Variants in CYP27A1 observed in about 807,000 individuals in gnomAD.
CYP27A1 encodes the protein cytochrome P450 family 27 subfamily A member 1.
In CYP27A1, 46 loss-of-function variants were observed where a neutral mutation model predicts 58.2. That is an observed-to-expected ratio of 0.79 (90% CI 0.62 to 1.01). The LOEUF (loss-of-function observed/expected upper bound fraction) is 1.01, where lower values mean the gene tolerates loss of function less well. Among genes scored for constraint, CYP27A1 ranks in the 50% least tolerant of loss-of-function variants. The pLI is 0.00. For synonymous variants in CYP27A1, 274 were observed against 285.1 expected (o/e 0.96, Z 0.39); for missense variants, 704 against 687.0 (o/e 1.02, Z -0.28).
At chr2:218,805,991 T>C (rs1410709884) in intron 1 of CYP27A1, 2 of 152,228 alleles carry the variant, frequency 1.3e-5, no homozygotes, top group African/African-American at 4.8e-5. Context: ...GGAAGTAGTC[T>C]CAGAGGCTTT....
chr2:218,791,275 C>A lies in CYP27A1; in HGVS notation c.255+8838C>A, dbSNP rs564771411. 5.9e-5 allele frequency among the ~76,000 whole-genome samples: 9 copies of A among 152,282 alleles called. No homozygotes were observed. The South Asian group carries it at 1.0e-3, about 18-fold the overall frequency. ...ATGATGTAGGTTAACAGGAGTGGAC[C>A]AGTGCTCTGTTTCTGACAGACTATG... On this transcript the variant is annotated intron_variant, in intron 1 of 8. Coordinates refer to ENST00000258415, the MANE Select transcript of CYP27A1 (RefSeq NM_000784.4).
rs369325272 is a variant in CYP27A1 at position 218,815,042 on chromosome 2, G to A, written c.*12G>A. The A allele has an allele frequency of 2.2e-5, 35 of 1,614,046 alleles. No homozygotes were observed. The highest frequency in any genetic ancestry group is 4.4e-5 in the South Asian group (4 of 91,076). The stretch of plus-strand genomic sequence containing the variant: ...AGAGACAGTGCTGAGCTGAGTCTCC[G>A]CCTTGCTGGGGCTTGTCCTAGAGGC... On this transcript the variant is annotated 3_prime_UTR_variant, in exon 9 of 9. Transcript: ENST00000258415.
In CYP27A1 at chr2:218,813,100, C is replaced by G. The variant is rs763008570; in HGVS notation, c.1017+4C>G. 1.2e-6 allele frequency: 2 copies of G among 1,606,996 alleles called. No homozygotes were observed. The highest frequency in any genetic ancestry group is 1.1e-5 in the South Asian group (1 of 90,562). On this transcript the variant is annotated splice_donor_region_variant and intron_variant, in intron 5 of 8. Coordinates refer to ENST00000258415, the MANE Select transcript of CYP27A1 (RefSeq NM_000784.4). ...GCTCATGGCTGGAGTGGACACGGTG[C>G]GTGAAGGGGGAGGGTGAGACCAGGG...
At chr2:218,787,254 A>T (rs1371294405) in intron 1 of CYP27A1, among the ~76,000 whole-genome samples, 7 of 152,170 alleles carry the variant, frequency 4.6e-5, no homozygotes, top group Non-Finnish European at 1.5e-5. Flanking sequence ...CAGTGGATAC[A>T]TCTGATGGTA....
Position 218,801,964 on chromosome 2 carries a change from GC to G in CYP27A1, c.256-7612del. ...CAGGCCCTGGGCTTTGGCTGGGGCT[GC>G]AGCTGCTAGCAGGCTTTTTTTTTTT... On this transcript the variant is annotated intron_variant, in intron 1 of 8. Transcript: ENST00000258415. Among the ~76,000 whole-genome samples, 2 of 146,472 alleles carry G rather than the reference GC, an allele frequency of 1.4e-5. 1 individual carries two copies. Among genetic ancestry groups the G allele is most frequent in the Non-Finnish European group, 3.0e-5 (2 of 67,316 alleles).
intron 1 of CYP27A1, among the ~76,000 whole-genome samples, chr2:218,795,343 T>A (rs559627807): frequency 6.6e-6 from 1 of 152,318 alleles, no homozygotes; most frequent in African/African-American, 2.4e-5. Flanking sequence ...CATGGACTTC[T>A]TATCATAAGC....
In CYP27A1 at chr2:218,815,037, T is replaced by C; in HGVS notation, c.*7T>C. 6.2e-7 allele frequency: 1 copy of C among 1,614,048 alleles called. No individual in the cohort carries two copies. The highest frequency in any genetic ancestry group is 1.1e-5 in the South Asian group (1 of 91,072). ...CCTGCAGAGACAGTGCTGAGCTGAG[T>C]CTCCGCCTTGCTGGGGCTTGTCCTA... On this transcript the variant is annotated 3_prime_UTR_variant, in exon 9 of 9. Transcript: ENST00000258415.
intron 1 of CYP27A1, among the ~76,000 whole-genome samples, chr2:218,807,697 A>G (rs1184164267): frequency 6.6e-6 from 1 of 151,874 alleles, no homozygotes; most frequent in Non-Finnish European, 1.5e-5. Flanking sequence ...GGCTCAATGC[A>G]GCTTTGACTT....
chr2:218,809,464 T>TTTTG, intron 1 of CYP27A1, 113 bp from the exon 2 acceptor site: 1 of 355,636 alleles, frequency 2.8e-6, no homozygotes, highest in South Asian at 3.2e-5. Flanking sequence ...TTTTTTTTTT[T>TTTTG]GCCCAGCTCA....
Position 218,809,675 on chromosome 2 carries a change from GC to G in CYP27A1, c.355del (p.Arg119GlyfsTer24), listed in dbSNP as rs587778793. 1.2e-6 allele frequency: 2 copies of G among 1,614,134 alleles called. No homozygotes were observed. Among genetic ancestry groups the G allele is most frequent in the Middle Eastern group, 3.3e-4 (2 of 6,062 alleles). On this transcript the variant is annotated frameshift_variant, in exon 2 of 9. Coordinates refer to ENST00000258415, the MANE Select transcript of CYP27A1 (RefSeq NM_000784.4). LOFTEE classifies it high-confidence loss of function. ...GTGCCCCGCTCTTGGAGCAAGTGAT[GC>G]GGCAAGAGGGCAAGTACCCAGTACG... ...ASAPLLEQVMRQEGKYPVRND... is the reference protein window; with the variant it reads ...ASAPLLEQVMXQEGKYPVRND...
intron 1 of CYP27A1, among the ~76,000 whole-genome samples, chr2:218,802,102 C>T (rs1483607935): frequency 1.3e-5 from 2 of 151,030 alleles, no homozygotes; most frequent in Non-Finnish European, 2.9e-5. Context: ...CATTTGTTCA[C>T]TTATTTGTTT....
At chr2:218,788,154 C>T (rs1407954112) in intron 1 of CYP27A1, among the ~76,000 whole-genome samples, 1 of 152,258 alleles carries the variant, frequency 6.6e-6, no homozygotes, top group Non-Finnish European at 1.5e-5. Context: ...TGCCATGTCA[C>T]ATCTTCTGGG....
intron 1 of CYP27A1, among the ~76,000 whole-genome samples, chr2:218,805,152 A>T (rs4674344): frequency 0.52 from 78,621 of 152,084 alleles, 21,084 homozygotes; most frequent in African/African-American, 0.62. Flanking sequence ...ATTCAGTCCA[A>T]AACAGAGGTT....
At chr2:218,805,442 A>G (rs1943641128) in intron 1 of CYP27A1, among the ~76,000 whole-genome samples, 1 of 152,184 alleles carries the variant, frequency 6.6e-6, no homozygotes. Context: ...CATGGTTTTC[A>G]CCCATGAGGA....
At position 218,782,469 on chromosome 2, in the gene CYP27A1, G is replaced by C. The variant is rs1401492501; in HGVS notation, c.255+32G>C. On this transcript the variant is annotated intron_variant, in intron 1 of 8. Coordinates refer to ENST00000258415, the MANE Select transcript of CYP27A1 (RefSeq NM_000784.4). This position sits in a 1 kb window ranked among gnomAD's most constrained non-coding sequence, Gnocchi z 4.1. ...CGCGGGGGCATCGCGTCCTGGGGAT[G>C]GGAGTGGGCACCGGAACAGAGAGGC... 15 of 1,613,716 alleles carry C rather than the reference G, an allele frequency of 9.3e-6. No individual in the cohort carries two copies. Among genetic ancestry groups the C allele is most frequent in the African/African-American group, 5.3e-5 (4 of 74,944 alleles).
intron 1 of CYP27A1, among the ~76,000 whole-genome samples, chr2:218,796,823 TTC>T (rs779705790): frequency 7.2e-5 from 11 of 152,194 alleles, no homozygotes; most frequent in Non-Finnish European, 8.8e-5. Context: ...GTTTCCTGAG[TTC>T]TTTCAGTTAG....
rs766655647 is a variant in CYP27A1, at chr2:218,782,460, C to T, written c.255+23C>T. ...CAGGTAACCCGCGGGGGCATCGCGTCCTGGGGATGGGAGTGGGCACCGGAA... is the reference window on the plus strand; with the variant it reads ...CAGGTAACCCGCGGGGGCATCGCGTTCTGGGGATGGGAGTGGGCACCGGAA... On this transcript the variant is annotated intron_variant, in intron 1 of 8. Transcript: ENST00000258415. The surrounding 1 kb of genome is among the most constrained non-coding windows in gnomAD (Gnocchi z 4.1). 1.2e-6 allele frequency: 2 copies of T among 1,613,996 alleles called. No homozygotes were observed. Among genetic ancestry groups the T allele is most frequent in the South Asian group, 1.1e-5 (1 of 91,048 alleles).
At chr2:218,798,654 G>A (rs979111857) in intron 1 of CYP27A1, among the ~76,000 whole-genome samples, 5 of 152,118 alleles carry the variant, frequency 3.3e-5, no homozygotes, top group Non-Finnish European at 5.9e-5. Flanking sequence ...AGGCTGAGGC[G>A]GATGGATCAC....
intron 1 of CYP27A1, among the ~76,000 whole-genome samples, chr2:218,795,783 T>TA (rs530516375): frequency 1.2e-4 from 19 of 152,246 alleles, no homozygotes; most frequent in East Asian, 5.8e-4. Context: ...TCATTTTTGT[T>TA]AAAAAAAATC....
Sources: allele counts gnomAD v4.1 joint callset (sites outside exome capture counted in the v4.1 genomes callset), GRCh38; gene constraint gnomAD v4.1.1; non-coding constraint Gnocchi (gnomAD v3.1); transcripts MANE v1.5; gene names NCBI Gene and HGNC (gene_info 2026-07-23, HGNC 2026-07-21).